Variants in POLE2 observed in about 807,000 individuals in gnomAD.
POLE2 encodes the protein DNA polymerase epsilon subunit 2.
In POLE2, 56 loss-of-function variants were observed where a neutral mutation model predicts 79.4. The observed-to-expected ratio is 0.71, with a 90% CI of 0.57 to 0.88. The LOEUF (loss-of-function observed/expected upper bound fraction) is 0.88, where lower values mean the gene tolerates loss of function less well. Among genes scored for constraint, POLE2 ranks in the 40% least tolerant of loss-of-function variants. POLE2 has a pLI of 0.00. For missense variants in POLE2, 598 were observed against 638.9 expected, an observed-to-expected ratio of 0.94 and a Z score of 0.69; for synonymous variants, 212 against 214.0, an observed-to-expected ratio of 0.99 and a Z score of 0.08.
At chr14:49,670,113 C>G (rs1885770368) in intron 5 of POLE2, among the ~76,000 whole-genome samples, 1 of 151,746 alleles carries the variant, frequency 6.6e-6, no homozygotes, top group African/African-American at 2.4e-5. Flanking sequence ...GTCAGGAGTT[C>G]GAGACCAGCC....
intron 3 of POLE2, chr14:49,677,524 G>A: frequency 2.0e-6 from 1 of 489,596 alleles, no homozygotes; most frequent in South Asian, 2.7e-5. Flanking sequence ...CTCCCACCAG[G>A]CCCTGACCCT....
At chr14:49,654,369 C>T (rs1222241759) in intron 13 of POLE2, 155 bp from the exon 14 acceptor site, 2 of 625,758 alleles carry the variant, frequency 3.2e-6, no homozygotes, top group East Asian at 2.8e-5. Flanking sequence ...TCCAGACCAA[C>T]ACTGTCTAGT....
intron 3 of POLE2, chr14:49,677,844 T>C: frequency 2.2e-6 from 1 of 453,630 alleles, no homozygotes; most frequent in Non-Finnish European, 3.9e-6. Context: ...CTCAGTCAGC[T>C]GGAGGTACTG....
In POLE2 at chr14:49,653,758, TC is replaced by T. The variant is rs879801215; in HGVS notation, c.1211+231del. ...CTCTCCACCTACCAGGCTCAAGTGATCCTCCCATCTCAGCCTCTTCATAGAA... is the reference window on the plus strand; with the variant it reads ...CTCTCCACCTACCAGGCTCAAGTGATCTCCCATCTCAGCCTCTTCATAGAA... On this transcript the variant is annotated intron_variant, in intron 15 of 18. Coordinates refer to ENST00000216367, the MANE Select transcript of POLE2 (RefSeq NM_002692.4). Among the ~76,000 whole-genome samples, 4 of 102,966 alleles carry T rather than the reference TC, an allele frequency of 3.9e-5. No individual in the cohort carries two copies. The East Asian group carries it at 1.1e-3, about 28-fold the overall frequency. 67.5% of individuals were successfully genotyped at this position (102,966 alleles called of 152,430 possible).
At chr14:49,663,262 C>T (rs1885214155) in intron 10 of POLE2, 53 bp downstream of exon 10, 2 of 866,276 alleles carry the variant, frequency 2.3e-6, no homozygotes, top group South Asian at 4.3e-5. Context: ...CTTACATTCA[C>T]TCCTGCCAGT....
intron 5 of POLE2, among the ~76,000 whole-genome samples, chr14:49,672,736 T>A (rs1885989678): frequency 6.6e-6 from 1 of 152,112 alleles, no homozygotes; most frequent in South Asian, 2.1e-4. Flanking sequence ...CGACCTCAGG[T>A]GATCCACCCA....
intron 3 of POLE2, among the ~76,000 whole-genome samples, chr14:49,674,660 G>C (rs1040362027): frequency 6.6e-6 from 1 of 152,122 alleles, no homozygotes; most frequent in Non-Finnish European, 1.5e-5. Context: ...TCCGCCTCCT[G>C]GGTTCAAGCG....
intron 9 of POLE2, among the ~76,000 whole-genome samples, chr14:49,664,256 T>C (rs1885310651): frequency 7.5e-6 from 1 of 133,736 alleles, no homozygotes; most frequent in Non-Finnish European, 1.6e-5. Context: ...GGCTGAGGCA[T>C]GAGAATCACT....
intron 3 of POLE2, 103 bp downstream of exon 3, chr14:49,679,622 C>G (rs895795050): frequency 3.2e-6 from 2 of 617,608 alleles, no homozygotes; most frequent in Non-Finnish European, 5.9e-6. Context: ...CAACAGTAAT[C>G]ACTGTAGAAA....
intron 7 of POLE2, 39 bp from the exon 8 acceptor site, chr14:49,665,202 C>T (rs1440998698): frequency 4.7e-6 from 4 of 855,152 alleles, no homozygotes. Flanking sequence ...ATTTATGTAA[C>T]AATGAAAACC....
At chr14:49,665,721 A>G (rs1885437995) in intron 7 of POLE2, among the ~76,000 whole-genome samples, 1 of 151,756 alleles carries the variant, frequency 6.6e-6, no homozygotes, top group African/African-American at 2.4e-5. Flanking sequence ...TATTTAACAA[A>G]AAGTCTAATA....
intron 18 of POLE2, among the ~76,000 whole-genome samples, chr14:49,644,539 T>C (rs1195455761): frequency 1.3e-5 from 2 of 151,086 alleles, no homozygotes; most frequent in African/African-American, 4.9e-5. Flanking sequence ...TCTAATCATA[T>C]ATAAGCACAT....
At chr14:49,685,303 C>T (rs969042639) in intron 1 of POLE2, among the ~76,000 whole-genome samples, 1 of 152,150 alleles carries the variant, frequency 6.6e-6, no homozygotes, top group African/African-American at 2.4e-5. Flanking sequence ...TAACTGAGAA[C>T]TGAATTATAG....
intron 6 of POLE2, 140 bp downstream of exon 6, chr14:49,669,384 A>C (rs1885713230): frequency 1.7e-6 from 1 of 587,518 alleles, no homozygotes; most frequent in Non-Finnish European, 3.0e-6. Context: ...ACTGTATCAA[A>C]AGTGGGCATG....
chr14:49,672,718 C>A (rs760298990), intron 5 of POLE2, among the ~76,000 whole-genome samples: 5 of 152,064 alleles, frequency 3.3e-5, no homozygotes, highest in African/African-American at 1.2e-4. Flanking sequence ...AGGCTGGTCT[C>A]GAAATCCCGA....
intron 15 of POLE2, among the ~76,000 whole-genome samples, chr14:49,652,401 C>T (rs1275797091): frequency 6.6e-6 from 1 of 151,690 alleles, no homozygotes; most frequent in East Asian, 2.0e-4. Flanking sequence ...CAGAGCAGGG[C>T]TCCTCAACCT....
intron 18 of POLE2, among the ~76,000 whole-genome samples, chr14:49,644,821 A>C (rs1883643958): frequency 6.6e-6 from 1 of 152,082 alleles, no homozygotes. Context: ...CCGGTGGATC[A>C]CCTGAGGTCA....
At chr14:49,667,186 AAAAAAAAAC>A (rs1263758271) in intron 6 of POLE2, among the ~76,000 whole-genome samples, 1 of 151,254 alleles carries the variant, frequency 6.6e-6, no homozygotes, top group South Asian at 2.1e-4. Flanking sequence ...CTCTGTCTCA[AAAAAAAAAC>A]AAAAAAAACA....
intron 17 of POLE2, among the ~76,000 whole-genome samples, chr14:49,647,933 C>T (rs1234302678): frequency 3.3e-5 from 5 of 152,158 alleles, no homozygotes; most frequent in Admixed American, 3.3e-4. Context: ...GCTAGACAGT[C>T]TTAATGCTAA....
Sources: gnomAD v4.1 joint callset for allele counts (sites outside exome capture counted in the v4.1 genomes callset) on GRCh38, gnomAD v4.1.1 for gene constraint, MANE v1.5 for transcripts, NCBI Gene and HGNC (gene_info 2026-07-23, HGNC 2026-07-21) for gene names.